Variants in MARCHF10 observed in about 807,000 individuals in gnomAD.
MARCHF10 encodes membrane associated ring-CH-type finger 10.
In MARCHF10, 64 loss-of-function variants were observed where a neutral mutation model predicts 76.2. The observed-to-expected ratio is 0.84, with a 90% confidence interval of 0.69 to 1.03. The LOEUF (loss-of-function observed/expected upper bound fraction) is 1.03. Ranked by LOEUF, MARCHF10 falls within the 50% of genes least tolerant of loss-of-function variation. The probability of loss-of-function intolerance (pLI) is 0.00; values close to 1 mark genes in which losing one functional copy is unlikely to be tolerated. For synonymous variants in MARCHF10, 340 were observed against 357.5 expected, an observed-to-expected ratio of 0.95 and a Z score of 0.55; for missense variants, 875 against 958.0, an observed-to-expected ratio of 0.91 and a Z score of 1.14.
rs2091256857 is a variant in MARCHF10, at chr17:62,736,246, A to G, written c.1622T>C (p.Val541Ala). Residue 541 changes from valine (V) to alanine (A), a missense_variant, in exon 6 of 11, where the codon GTC becomes GCC. Coordinates refer to ENST00000311269, the MANE Select transcript of MARCHF10 (RefSeq NM_152598.4). The part of the protein sequence containing the change: ...FPVNSAHEFA[V>A]REAEDTTLTS... The stretch of plus-strand genomic sequence containing the variant: ...TAAAGTAGTATCTTCTGCTTCCCTG[A>G]CAGCAAATTCGTGTGCACTGTTTAC... 1 of 1,614,198 alleles carries G rather than the reference A, an allele frequency of 6.2e-7. No individual in the cohort carries two copies. Among genetic ancestry groups the G allele is most frequent in the Admixed American group, 1.7e-5 (1 of 60,028 alleles).
intron 1 of MARCHF10, among the ~76,000 whole-genome samples, chr17:62,802,034 C>T (rs766024871): frequency 3.9e-5 from 6 of 152,200 alleles, no homozygotes; most frequent in East Asian, 1.9e-4. Context: ...ACACCTGATT[C>T]GGTTCTAGAG....
At chr17:62,728,253 T>C (rs906490565) in intron 6 of MARCHF10, among the ~76,000 whole-genome samples, 3 of 152,152 alleles carry the variant, frequency 2.0e-5, no homozygotes, top group East Asian at 1.9e-4. Flanking sequence ...TTTCAAAGTT[T>C]TGGCCTCAAC....
Position 62,724,971 on chromosome 17 carries a change from G to A in MARCHF10, c.2071C>T (p.Leu691=). 1 of 1,611,802 alleles carries A rather than the reference G, an allele frequency of 6.2e-7. No homozygotes were observed. The highest frequency in any genetic ancestry group is 8.5e-7 in the Non-Finnish European group (1 of 1,179,202). Reference sequence around the variant, plus strand: ...ATTTTCACTTTCAGCCACTTTTTCAGGCACTCTTGATGAACAAACTGCAGG... The same window carrying A: ...ATTTTCACTTTCAGCCACTTTTTCAAGCACTCTTGATGAACAAACTGCAGG... ...GSLQFVHQEC[L]KKWLKVKITS... is the part of the protein sequence containing the mutation. The change falls in exon 7 of 11, where the codon CTG becomes TTG. Residue 691 remains leucine, a synonymous_variant. Coordinates refer to ENST00000311269, the MANE Select transcript of MARCHF10 (RefSeq NM_152598.4).
chr17:62,773,231 G>A (rs183816024), intron 3 of MARCHF10, among the ~76,000 whole-genome samples: 2 of 152,296 alleles, frequency 1.3e-5, no homozygotes, highest in Admixed American at 6.5e-5. Context: ...AGGAGCAGGT[G>A]GCTTTGCAGA....
intron 1 of MARCHF10, among the ~76,000 whole-genome samples, chr17:62,802,608 C>G (rs1478926138): frequency 1.3e-5 from 2 of 152,116 alleles, no homozygotes; most frequent in Non-Finnish European, 2.9e-5. Flanking sequence ...CTATGCGGCT[C>G]TTTGAGAGCG....
chr17:62,787,793 A>G (rs948525064), intron 3 of MARCHF10, among the ~76,000 whole-genome samples: 7 of 152,124 alleles, frequency 4.6e-5, no homozygotes, highest in African/African-American at 1.7e-4. Context: ...GGTGATAGAT[A>G]TATACATTTA....
intron 3 of MARCHF10, among the ~76,000 whole-genome samples, chr17:62,766,304 C>T (rs1215323174): frequency 6.6e-6 from 1 of 152,052 alleles, no homozygotes; most frequent in East Asian, 1.9e-4. Context: ...AGTTCAAGAC[C>T]AGCCCAACCA....
At chr17:62,723,979 T>C (rs1178045329) in intron 7 of MARCHF10, among the ~76,000 whole-genome samples, 1 of 152,092 alleles carries the variant, frequency 6.6e-6, no homozygotes, top group Non-Finnish European at 1.5e-5. Context: ...GTGCTGTCCT[T>C]GGTGAGGGGG....
intron 3 of MARCHF10, among the ~76,000 whole-genome samples, chr17:62,772,520 G>A (rs78790752): frequency 0.027 from 4,146 of 152,288 alleles, 67 homozygotes; most frequent in East Asian, 0.059. Flanking sequence ...TGGGCTTGAG[G>A]TGTCTTTTGA....
chr17:62,768,159 C>T (rs966756552), intron 3 of MARCHF10, among the ~76,000 whole-genome samples: 1 of 152,168 alleles, frequency 6.6e-6, no homozygotes, highest in East Asian at 1.9e-4. Flanking sequence ...TTTATCTTGT[C>T]GACTGAGCCA....
At chr17:62,760,470 T>C (rs2092168498) in intron 3 of MARCHF10, among the ~76,000 whole-genome samples, 1 of 152,210 alleles carries the variant, frequency 6.6e-6, no homozygotes. Flanking sequence ...GACCTCAGTT[T>C]CAATACTCTG....
chr17:62,708,883 C>A (rs2089754180), intron 9 of MARCHF10, among the ~76,000 whole-genome samples: 1 of 152,172 alleles, frequency 6.6e-6, no homozygotes, highest in Non-Finnish European at 1.5e-5. Context: ...ACTGAGGAGA[C>A]CAGTTGTTTA....
At chr17:62,783,187 A>C in intron 3 of MARCHF10, among the ~76,000 whole-genome samples, 1 of 136,386 alleles carries the variant, frequency 7.3e-6, no homozygotes, top group Admixed American at 7.4e-5. Flanking sequence ...TAGAGGAAAA[A>C]TTGCCAGTTT....
intron 1 of MARCHF10, among the ~76,000 whole-genome samples, 164 bp from the exon 2 acceptor site, chr17:62,801,916 T>C (rs2093081268): frequency 6.6e-6 from 1 of 152,252 alleles, no homozygotes; most frequent in South Asian, 2.1e-4. Context: ...CTTGTGTTGC[T>C]GTTGATGCCC....
chr17:62,708,570 G>T (rs1013040240), intron 9 of MARCHF10, among the ~76,000 whole-genome samples: 6 of 152,182 alleles, frequency 3.9e-5, no homozygotes, highest in African/African-American at 1.4e-4. Flanking sequence ...TTCAGTAGTT[G>T]ACTGTGCATC....
chr17:62,805,090 T>C (rs999816578), intron 1 of MARCHF10: 2 of 152,212 alleles, frequency 1.3e-5, no homozygotes, highest in African/African-American at 4.8e-5. Flanking sequence ...TGGGGGCTAT[T>C]TTCTCTGGAG....
intron 2 of MARCHF10, among the ~76,000 whole-genome samples, chr17:62,798,442 TAA>T (rs76893795): frequency 5.8e-4 from 50 of 86,326 alleles, no homozygotes; most frequent in Admixed American, 7.0e-4. Context: ...TGGGAAACAT[TAA>T]AAAAAAAAAA....
intron 3 of MARCHF10, among the ~76,000 whole-genome samples, chr17:62,787,723 T>C (rs2092769120): frequency 6.6e-6 from 1 of 152,044 alleles, no homozygotes; most frequent in African/African-American, 2.4e-5. Context: ...AGTTTTCTCA[T>C]CAGTAAAGTG....
chr17:62,724,849 G>T, intron 7 of MARCHF10, 89 bp downstream of exon 7: 2 of 1,417,348 alleles, frequency 1.4e-6, no homozygotes, highest in Non-Finnish European at 2.0e-6. Context: ...AGGAGAGTGA[G>T]CTGATGACAA....
Sources: gnomAD v4.1 joint callset for allele counts (sites outside exome capture counted in the v4.1 genomes callset) on GRCh38, gnomAD v4.1.1 for gene constraint, MANE v1.5 for transcripts, NCBI Gene and HGNC (gene_info 2026-07-23, HGNC 2026-07-21) for gene names.